XKR4: variants seen among roughly 807,000 people sequenced by gnomAD.
The protein encoded by XKR4 is XK related 4.
In XKR4, 12 loss-of-function variants were observed where a neutral mutation model predicts 53.9. That is an observed-to-expected ratio of 0.22 (90% CI 0.14 to 0.36). XKR4 has a LOEUF of 0.36. Among genes scored for constraint, XKR4 ranks in the 10% least tolerant of loss-of-function variants. The pLI, the probability that XKR4 is intolerant of heterozygous loss-of-function variation, is 1.00. For synonymous variants in XKR4, 354 were observed against 362.4 expected, an observed-to-expected ratio of 0.98 and a Z score of 0.26; for missense variants, 799 against 859.5, an observed-to-expected ratio of 0.93 and a Z score of 0.88.
At chr8:55,409,317 G>A (rs1003244249) in intron 2 of XKR4, among the ~76,000 whole-genome samples, 5 of 152,214 alleles carry the variant, frequency 3.3e-5, no homozygotes, top group African/African-American at 7.2e-5. Context: ...GAGTGAGACC[G>A]AGCTTGTGGG....
At chr8:55,335,123 G>A (rs751728031) in intron 1 of XKR4, among the ~76,000 whole-genome samples, 2 of 152,180 alleles carry the variant, frequency 1.3e-5, no homozygotes, top group Non-Finnish European at 2.9e-5. Flanking sequence ...TCAGATGGCT[G>A]CTGTCAGTAC....
At chr8:55,217,910 A>C (rs577940760) in intron 1 of XKR4, among the ~76,000 whole-genome samples, 6 of 152,330 alleles carry the variant, frequency 3.9e-5, no homozygotes, top group African/African-American at 1.4e-4. Flanking sequence ...TAAACATATA[A>C]GAAGACTTTG....
intron 1 of XKR4, among the ~76,000 whole-genome samples, chr8:55,219,245 T>C (rs1817848592): frequency 6.6e-6 from 1 of 152,014 alleles, no homozygotes; most frequent in Non-Finnish European, 1.5e-5. Context: ...AAATGAAAGC[T>C]GATTCATTCA....
chr8:55,184,195 G>A (rs1817348474), intron 1 of XKR4, among the ~76,000 whole-genome samples: 1 of 152,086 alleles, frequency 6.6e-6, no homozygotes, highest in Non-Finnish European at 1.5e-5. Flanking sequence ...GTTGGTCCCT[G>A]TAGATACCTT....
intron 2 of XKR4, among the ~76,000 whole-genome samples, chr8:55,497,171 G>A (rs1007193211): frequency 9.9e-5 from 15 of 152,184 alleles, no homozygotes; most frequent in Non-Finnish European, 2.1e-4. Flanking sequence ...TTTCCCAGAT[G>A]TCTATTTAAC....
At chr8:55,114,863 A>G (rs1416569063) in intron 1 of XKR4, among the ~76,000 whole-genome samples, 1 of 152,188 alleles carries the variant, frequency 6.6e-6, no homozygotes, top group Admixed American at 6.5e-5. Context: ...CCCTTTATTC[A>G]TGGACTCCAC....
intron 2 of XKR4, among the ~76,000 whole-genome samples, chr8:55,408,399 A>G (rs1804721163): frequency 1.3e-5 from 2 of 152,342 alleles, no homozygotes; most frequent in East Asian, 1.9e-4. Context: ...ATGCTGGCTC[A>G]GAAGTTAAGA....
rs943753636 is a variant in XKR4, at chr8:55,265,907, C to A, written c.807-91771C>A. Among the ~76,000 whole-genome samples, 4 of 151,828 alleles carry A rather than the reference C, an allele frequency of 2.6e-5. No individual in the cohort carries two copies. The East Asian group carries it at 7.8e-4, about 29-fold the overall frequency. On this transcript the variant is annotated intron_variant, in intron 1 of 2. Transcript: ENST00000327381. ...GGCTGAGGCAGGAGAATCGCTTGAA[C>A]CTGGGAGGCAGAGGTTGCAGTGAGC...
At chr8:55,114,210 C>T (rs1398342217) in intron 1 of XKR4, among the ~76,000 whole-genome samples, 1 of 152,052 alleles carries the variant, frequency 6.6e-6, no homozygotes, top group Non-Finnish European at 1.5e-5. Flanking sequence ...GAAAGCGTTC[C>T]CTTTTCTCTG....
chr8:55,362,351 C>T (rs1211691280), intron 2 of XKR4, among the ~76,000 whole-genome samples: 1 of 152,078 alleles, frequency 6.6e-6, no homozygotes, highest in Non-Finnish European at 1.5e-5. Context: ...CAAGAAACAT[C>T]GTGAAGAGAG....
chr8:55,375,493 G>A (rs1053731902), intron 2 of XKR4, among the ~76,000 whole-genome samples: 15 of 152,060 alleles, frequency 9.9e-5, no homozygotes, highest in Non-Finnish European at 2.2e-4. Flanking sequence ...GTCTTGGTCT[G>A]GGCTGAGCTC....
intron 2 of XKR4, among the ~76,000 whole-genome samples, chr8:55,419,360 G>T (rs1254665326): frequency 6.6e-6 from 1 of 152,142 alleles, no homozygotes; most frequent in Non-Finnish European, 1.5e-5. Flanking sequence ...ACTCCAGCCT[G>T]GGCAACAAGA....
chr8:55,494,098 C>T (rs1035111280), intron 2 of XKR4, among the ~76,000 whole-genome samples: 1 of 152,242 alleles, frequency 6.6e-6, no homozygotes, highest in South Asian at 2.1e-4. Flanking sequence ...AAGCCAGGCA[C>T]AGAGCAGCGA....
intron 1 of XKR4, among the ~76,000 whole-genome samples, chr8:55,344,199 A>G (rs750560622): frequency 2.6e-5 from 4 of 152,198 alleles, no homozygotes; most frequent in South Asian, 2.1e-4. Flanking sequence ...CCCTAGGCCT[A>G]TGGATTTTTC....
At chr8:55,261,519 G>A (rs1054473584) in intron 1 of XKR4, among the ~76,000 whole-genome samples, 4 of 152,036 alleles carry the variant, frequency 2.6e-5, no homozygotes, top group African/African-American at 2.4e-5. Context: ...ATTCCTTTGC[G>A]CCCAAGCCAA....
intron 1 of XKR4, among the ~76,000 whole-genome samples, chr8:55,245,381 G>A (rs1242356369): frequency 1.3e-5 from 2 of 151,844 alleles, no homozygotes; most frequent in African/African-American, 4.8e-5. Flanking sequence ...TCTTTTTGTA[G>A]CGGGGGAAAA....
At chr8:55,216,164 A>T (rs1817794633) in intron 1 of XKR4, among the ~76,000 whole-genome samples, 1 of 152,264 alleles carries the variant, frequency 6.6e-6, no homozygotes, top group Non-Finnish European at 1.5e-5. Context: ...ATCATGCATT[A>T]TCAATTCTCT....
intron 1 of XKR4, among the ~76,000 whole-genome samples, chr8:55,114,777 A>C (rs972313236): frequency 1.3e-5 from 2 of 152,248 alleles, no homozygotes; most frequent in African/African-American, 2.4e-5. Context: ...TGAGCAACTC[A>C]TCTGCTAAAC....
At chr8:55,217,570 C>T (rs1817820484) in intron 1 of XKR4, among the ~76,000 whole-genome samples, 1 of 152,038 alleles carries the variant, frequency 6.6e-6, no homozygotes, top group Non-Finnish European at 1.5e-5. Flanking sequence ...AATATATAGC[C>T]CAGAGATACT....
Sources: allele counts gnomAD v4.1 joint callset (sites outside exome capture counted in the v4.1 genomes callset), GRCh38; gene constraint gnomAD v4.1.1; transcripts MANE v1.5; gene names NCBI Gene and HGNC (gene_info 2026-07-23, HGNC 2026-07-21).